HERC1: variants seen among roughly 807,000 people sequenced by gnomAD.
HERC1 encodes the protein probable E3 ubiquitin-protein ligase HERC1.
HERC1 carries 160 observed loss-of-function variants against 554.3 expected under a neutral mutation model. The ratio of observed to expected loss-of-function variants is 0.29; its 90% CI spans 0.25 to 0.33. HERC1 has a LOEUF of 0.33. Ranked by LOEUF, HERC1 falls within the 10% of genes least tolerant of loss-of-function variation. The pLI, the probability that HERC1 is intolerant of heterozygous loss-of-function variation, is 1.00. For missense variants in HERC1, 4,919 were observed against 5,918.5 expected, an observed-to-expected ratio of 0.83 and a Z score of 5.54; for synonymous variants, 2,175 against 2,131.7, an observed-to-expected ratio of 1.02 and a Z score of -0.56.
chr15:63,731,080 A>G (rs1403557123), intron 14 of HERC1, among the ~76,000 whole-genome samples: 1 of 152,176 alleles, frequency 6.6e-6, no homozygotes, highest in Non-Finnish European at 1.5e-5. Context: ...TAAATGTTTT[A>G]CACATTTTCA....
At chr15:63,648,287 A>G in intron 54 of HERC1, 88 bp from the exon 55 acceptor site, 1 of 1,294,838 alleles carries the variant, frequency 7.7e-7, no homozygotes, top group Non-Finnish European at 1.1e-6. Flanking sequence ...ACAAATAATG[A>G]TAATGCAACC....
Position 63,609,002 on chromosome 15 carries a change from T to C in HERC1, c.*79A>G. On this transcript the variant is annotated 3_prime_UTR_variant, in exon 78 of 78. Coordinates refer to ENST00000443617, the MANE Select transcript of HERC1 (RefSeq NM_003922.4). ...TATGTTCTTATAACATCTATGTAGTTACCATAAAAGTATATCAACATCAAA... is the reference window on the plus strand; with the variant it reads ...TATGTTCTTATAACATCTATGTAGTCACCATAAAAGTATATCAACATCAAA... 1 of 1,289,934 alleles carries C rather than the reference T, an allele frequency of 7.8e-7. No homozygotes were observed. Among genetic ancestry groups the C allele is most frequent in the Non-Finnish European group, 1.1e-6 (1 of 933,090 alleles). The allele number at this position is 1,289,934 out of a possible 1,614,324, so 79.9% of individuals were successfully genotyped here.
At chr15:63,764,997 A>G (rs116100168) in intron 2 of HERC1, among the ~76,000 whole-genome samples, 2 of 152,262 alleles carry the variant, frequency 1.3e-5, no homozygotes, top group African/African-American at 4.8e-5. Flanking sequence ...AAGGAAATAA[A>G]ACCTTGAGAC....
Position 63,632,517 on chromosome 15 carries a change from G to A in HERC1, c.12796+192C>T. The A allele has an allele frequency of 4.5e-6, 3 of 666,766 alleles. No individual in the cohort carries two copies. In the South Asian group the frequency reaches 4.6e-5, roughly 10 times the overall value. The allele number at this position is 666,766 out of a possible 1,614,324, so 41.3% of individuals were successfully genotyped here. ...GCTCTGGCATAAGGGGTCTTAATGG[G>A]GAGGGGAGTTTGTCTTTATAATAAA... On this transcript the variant is annotated intron_variant, in intron 68 of 77. Transcript: ENST00000443617.
intron 74 of HERC1, among the ~76,000 whole-genome samples, chr15:63,617,155 C>T (rs915610139): frequency 6.6e-6 from 1 of 152,160 alleles, no homozygotes; most frequent in Non-Finnish European, 1.5e-5. Context: ...TGCTATCCCT[C>T]CCCGCTCCCC....
intron 1 of HERC1, among the ~76,000 whole-genome samples, chr15:63,811,809 C>CAAAAAAAA (rs374847616): frequency 1.3e-5 from 1 of 77,168 alleles, no homozygotes; most frequent in African/African-American, 5.2e-5. Flanking sequence ...ACTCCGTCTC[C>CAAAAAAAA]AAAAAAAAAA....
In HERC1 at chr15:63,718,360, A is replaced by G. The variant is rs2073662178; in HGVS notation, c.3978+214T>C. 6 of 445,160 alleles carry G rather than the reference A, an allele frequency of 1.3e-5. No individual in the cohort carries two copies. The highest frequency in any genetic ancestry group is 2.0e-5 in the Non-Finnish European group (5 of 252,356). The allele number at this position is 445,160 out of a possible 1,614,324, so 27.6% of individuals were successfully genotyped here. A position where few individuals can be genotyped will look rare whatever the true frequency, so the allele number is the denominator to read the frequency against. On this transcript the variant is annotated intron_variant, in intron 21 of 77. Transcript: ENST00000443617. This position sits in a 1 kb window ranked among gnomAD's most constrained non-coding sequence, Gnocchi z 4.2. ...GTTATTAATATTTATGCAGCCAACTAAAGTTTCTTAGAACCAATATCACAC... is the reference window on the plus strand; with the variant it reads ...GTTATTAATATTTATGCAGCCAACTGAAGTTTCTTAGAACCAATATCACAC...
At position 63,645,610 on chromosome 15, in the gene HERC1, T is replaced by G; in HGVS notation, c.10951A>C (p.Lys3651Gln). 1 of 1,612,742 alleles carries G rather than the reference T, an allele frequency of 6.2e-7. No individual in the cohort carries two copies. The highest frequency in any genetic ancestry group is 1.7e-5 in the Admixed American group (1 of 59,874). Residue 3651 changes from lysine to glutamine, a missense_variant, in exon 56 of 78, where the codon AAA (lysine) becomes CAA (glutamine). Transcript: ENST00000443617. ...CATCCCGAAATAGAGCCCCAGAGTTTCACACTGTCTTCTTTGGCACATGTC... is the reference window on the plus strand; with the variant it reads ...CATCCCGAAATAGAGCCCCAGAGTTGCACACTGTCTTCTTTGGCACATGTC... ...LMTCAKEDSVKLWGSISGCWC... is the reference protein window; with the variant it reads ...LMTCAKEDSVQLWGSISGCWC...
Position 63,756,520 on chromosome 15 carries a change from C to A in HERC1, c.1450G>T (p.Asp484Tyr). ...TTEGEVFSWG[D>Y]GDYGKLGHGN... Reference sequence around the variant, plus strand: ...TGCCCCAGTTTCCCATAATCACCATCTCCCCAACTGAAGACTTCTCCTTCT... The same window carrying A: ...TGCCCCAGTTTCCCATAATCACCATATCCCCAACTGAAGACTTCTCCTTCT... Residue 484 changes from aspartate to tyrosine, a missense_variant, in exon 5 of 78, where the codon GAT becomes TAT. Asp to Tyr is a radical substitution (Grantham distance 160). Coordinates refer to ENST00000443617, the MANE Select transcript of HERC1 (RefSeq NM_003922.4). This position sits in a 1 kb window ranked among gnomAD's most constrained non-coding sequence, Gnocchi z 5.0. 6.2e-7 allele frequency: 1 copy of A among 1,613,958 alleles called. No individual in the cohort carries two copies. The highest frequency in any genetic ancestry group is 8.5e-7 in the Non-Finnish European group (1 of 1,179,830).
chr15:63,610,870 G>T (rs572000050), intron 77 of HERC1, among the ~76,000 whole-genome samples: 1 of 152,220 alleles, frequency 6.6e-6, no homozygotes, highest in Admixed American at 6.5e-5. Flanking sequence ...GAAGAGTGGG[G>T]ATGGAGACAG....
Position 63,680,670 on chromosome 15 carries a change from T to C in HERC1, c.6332A>G (p.Tyr2111Cys). 2 of 1,613,890 alleles carry C rather than the reference T, an allele frequency of 1.2e-6. No homozygotes were observed. Among genetic ancestry groups the C allele is most frequent in the Non-Finnish European group, 1.7e-6 (2 of 1,179,818 alleles). Reference protein sequence around the residue: ...NHRTTSDMWLYRAYSGNLYHN... With the variant: ...NHRTTSDMWLCRAYSGNLYHN... ...ATAGAGGTTACCACTGTAGGCCCTA[T>C]AGAGCCACATATCCGAGGTAGTGCG... is the stretch of plus-strand genomic sequence containing the variant. The change falls in exon 35 of 78, where the codon TAT becomes TGT. Residue 2111 changes from tyrosine to cysteine, a missense_variant. Physicochemically the swap from Tyr to Cys is radical, Grantham distance 194 (BLOSUM62 -2). Coordinates refer to ENST00000443617, the MANE Select transcript of HERC1 (RefSeq NM_003922.4). The surrounding 1 kb of genome is among the most constrained non-coding windows in gnomAD (Gnocchi z 5.8).
intron 51 of HERC1, among the ~76,000 whole-genome samples, chr15:63,653,079 C>T (rs2069789498): frequency 6.6e-6 from 1 of 152,160 alleles, no homozygotes; most frequent in Non-Finnish European, 1.5e-5. Context: ...AATATGTTTA[C>T]TTAATAAGTA....
chr15:63,646,587 G>C (rs916462737), intron 55 of HERC1, among the ~76,000 whole-genome samples: 1 of 151,310 alleles, frequency 6.6e-6, no homozygotes, highest in African/African-American at 2.4e-5. Context: ...GGATCATGAA[G>C]TCAGGAATTC....
intron 24 of HERC1, among the ~76,000 whole-genome samples, chr15:63,710,787 A>G (rs1355454614): frequency 6.6e-6 from 1 of 152,228 alleles, no homozygotes; most frequent in Admixed American, 6.5e-5. Flanking sequence ...AGGCAATAGC[A>G]TTCCAGTCCT....
At chr15:63,715,507 T>C (rs2073507151) in intron 22 of HERC1, among the ~76,000 whole-genome samples, 1 of 152,226 alleles carries the variant, frequency 6.6e-6, no homozygotes, top group African/African-American at 2.4e-5. Flanking sequence ...AAATTATGTT[T>C]AGTCTTGTTT....
intron 1 of HERC1, among the ~76,000 whole-genome samples, chr15:63,811,109 C>T (rs1311973120): frequency 6.6e-6 from 1 of 151,788 alleles, no homozygotes; most frequent in Non-Finnish European, 1.5e-5. Flanking sequence ...GGATCCTGGA[C>T]CCGAAAAAAA....
Position 63,726,430 on chromosome 15 carries a change from T to G in HERC1, c.3347-917A>C, listed in dbSNP as rs76744224. ...TTGAAATGATAATGGATAAGTTATC[T>G]AAAAGGAAAATGGATAAATGATTAA... is the stretch of plus-strand genomic sequence containing the variant. On this transcript the variant is annotated intron_variant, in intron 17 of 77. Transcript: ENST00000443617. 3.9e-5 allele frequency among the ~76,000 whole-genome samples: 6 copies of G among 152,110 alleles called. No individual in the cohort carries two copies. The East Asian group carries it at 1.2e-3, about 29-fold the overall frequency.
chr15:63,727,911 T>A lies in HERC1; in HGVS notation c.3155-73A>T, dbSNP rs1596082298. ...TTTAAAAAAAGGAACCTAATAAATATTATTTTAGCTTGGAACTAGAGTAGA... is the reference window on the plus strand; with the variant it reads ...TTTAAAAAAAGGAACCTAATAAATAATATTTTAGCTTGGAACTAGAGTAGA... On this transcript the variant is annotated intron_variant, in intron 16 of 77. Transcript: ENST00000443617. The surrounding 1 kb of genome is among the most constrained non-coding windows in gnomAD (Gnocchi z 4.3). The A allele has an allele frequency of 8.1e-7, 1 of 1,227,038 alleles. No homozygotes were observed. Among genetic ancestry groups the A allele is most frequent in the East Asian group, 2.4e-5 (1 of 41,924 alleles). 76.0% of individuals were successfully genotyped at this position (1,227,038 alleles called of 1,614,324 possible). A position where few individuals can be genotyped will look rare whatever the true frequency, so the allele number is the denominator to read the frequency against.
chr15:63,756,422 A>G lies in HERC1; in HGVS notation c.1533+15T>C. The G allele has an allele frequency of 1.9e-6, 3 of 1,580,228 alleles. No homozygotes were observed. The highest frequency in any genetic ancestry group is 2.6e-6 in the Non-Finnish European group (3 of 1,163,014). Reference sequence around the variant, plus strand: ...TGCATCTAATTATTTTTATAACCAAAAAGAATGCACATACCTTTCCTTGTA... The same window carrying G: ...TGCATCTAATTATTTTTATAACCAAGAAGAATGCACATACCTTTCCTTGTA... On this transcript the variant is annotated intron_variant, in intron 5 of 77. Transcript: ENST00000443617. The surrounding 1 kb of genome is among the most constrained non-coding windows in gnomAD (Gnocchi z 5.0).
Sources: gnomAD v4.1 joint callset for allele counts (sites outside exome capture counted in the v4.1 genomes callset) on GRCh38, gnomAD v4.1.1 for gene constraint, Gnocchi (gnomAD v3.1) non-coding constraint, MANE v1.5 for transcripts, NCBI Gene and HGNC (gene_info 2026-07-23, HGNC 2026-07-21) for gene names.